ARAP1: variants seen among roughly 807,000 people sequenced by gnomAD.
ARAP1 encodes ArfGAP with RhoGAP domain, ankyrin repeat and PH domain 1, also known as arf-GAP with Rho-GAP domain, ANK repeat and PH domain-containing protein 1.
In ARAP1, 76 loss-of-function variants were observed where a neutral mutation model predicts 172.2. That is an observed-to-expected ratio of 0.44 (90% CI 0.37 to 0.53). ARAP1 has a LOEUF of 0.53. ARAP1 is among the 20% of genes least tolerant of loss of function. ARAP1 has a pLI of 0.00. For missense variants in ARAP1, 1,686 were observed against 1,977.5 expected, an observed-to-expected ratio of 0.85 and a Z score of 2.80; for synonymous variants, 804 against 803.3, an observed-to-expected ratio of 1.00 and a Z score of -0.01.
chr11:72,696,618 C>A lies in ARAP1; in HGVS notation c.3203G>T (p.Arg1068Leu), dbSNP rs142926718. The change falls in exon 23 of 35, where the codon CGA becomes CTA. Residue 1068 changes from arginine to leucine, a missense_variant. By Grantham distance (102) the Arg-to-Leu change is moderately radical (BLOSUM62 -2). Around this residue, in one of 5 missense-constraint regions of ARAP1, gnomAD observed 274 missense variants for 262.7 expected, o/e 1.04. Transcript: ENST00000393609. ...AGGGGGCAGCCGCACCAGCAGCTCTCGGTACCTGGAGACCTTCTCCTCCTC... is the reference window on the plus strand; with the variant it reads ...AGGGGGCAGCCGCACCAGCAGCTCTAGGTACCTGGAGACCTTCTCCTCCTC... The part of the protein sequence containing the change: ...EDEEEKVSRY[R>L]ELLVRLPPVN... The A allele has an allele frequency of 3.1e-6, 5 of 1,605,596 alleles. No homozygotes were observed. The East Asian group carries it at 9.0e-5, about 29-fold the overall frequency.
At chr11:72,712,153 C>T (rs749709256) in intron 7 of ARAP1, 43 bp downstream of exon 7, 10 of 1,513,134 alleles carry the variant, frequency 6.6e-6, no homozygotes, top group Admixed American at 6.6e-5. Context: ...TGCCCCCCAC[C>T]CCCCCATGCA....
At chr11:72,727,368 C>T (rs1194461092) in intron 2 of ARAP1, among the ~76,000 whole-genome samples, 196 bp from the exon 3 acceptor site, 1 of 152,200 alleles carries the variant, frequency 6.6e-6, no homozygotes, top group Non-Finnish European at 1.5e-5. Flanking sequence ...GCCTGAACCC[C>T]CTCACCCCTT....
intron 1 of ARAP1, among the ~76,000 whole-genome samples, chr11:72,743,991 C>A (rs990550935): frequency 6.6e-6 from 1 of 152,126 alleles, no homozygotes; most frequent in Non-Finnish European, 1.5e-5. Flanking sequence ...CACTCTCACG[C>A]TCCAACACCA....
Position 72,696,997 on chromosome 11 carries a change from C to T in ARAP1, c.3152G>A (p.Trp1051Ter). Residue 1051 changes from tryptophan to a stop codon, truncating the protein, a stop_gained, in exon 22 of 35, where the codon TGG becomes TAG. Transcript: ENST00000393609. LOFTEE classifies it high-confidence loss of function. Reference sequence around the variant, plus strand: ...GCAGGGCCCACCTGAGGCCTCCAGCCAGGTTAGGCGCTGGGCGCGAGTGAA... The same window carrying T: ...GCAGGGCCCACCTGAGGCCTCCAGCTAGGTTAGGCGCTGGGCGCGAGTGAA... ...GLFTRAQRLTWLEASEIEDEE... is the reference protein window; with the variant it reads ...GLFTRAQRLT 2 of 1,606,234 alleles carry T rather than the reference C, an allele frequency of 1.2e-6. No homozygotes were observed.
In ARAP1 at chr11:72,693,291, C is replaced by A; in HGVS notation, c.3954+34G>T. On this transcript the variant is annotated intron_variant, in intron 29 of 34. Transcript: ENST00000393609. This position sits in a 1 kb window ranked among gnomAD's most constrained non-coding sequence, Gnocchi z 4.6. ...TGAGCACATTCAGGTGTACAGGTGC[C>A]CACCCTGGGGCAGAACCCAGCGGGG... 6.2e-7 allele frequency: 1 copy of A among 1,607,072 alleles called. No individual in the cohort carries two copies. The highest frequency in any genetic ancestry group is 2.2e-5 in the East Asian group (1 of 44,760).
intron 1 of ARAP1, among the ~76,000 whole-genome samples, chr11:72,745,182 C>T (rs1030322445): frequency 3.4e-5 from 3 of 88,308 alleles, no homozygotes; most frequent in South Asian, 4.4e-4. Context: ...AAGTTTCTTT[C>T]TTTTTTTTTT....
intron 1 of ARAP1, among the ~76,000 whole-genome samples, chr11:72,737,601 T>C (rs1192756623): frequency 2.0e-5 from 3 of 151,726 alleles, no homozygotes; most frequent in African/African-American, 7.3e-5. Context: ...CAGCCCCTGC[T>C]AGATTTTCTC....
intron 3 of ARAP1, among the ~76,000 whole-genome samples, chr11:72,723,771 G>T (rs1051237441): frequency 6.6e-6 from 1 of 152,206 alleles, no homozygotes; most frequent in African/African-American, 2.4e-5. Context: ...CTTCCCAAGG[G>T]CCTATTAGGC....
At chr11:72,746,474 C>A (rs190514110) in intron 1 of ARAP1, among the ~76,000 whole-genome samples, 4 of 152,348 alleles carry the variant, frequency 2.6e-5, no homozygotes, top group Admixed American at 2.6e-4. Context: ...TTGGGGGTGA[C>A]CCAGCCCAAC....
Position 72,693,605 on chromosome 11 carries a change from C to A in ARAP1, c.3808+87G>T. 1 of 1,528,756 alleles carries A rather than the reference C, an allele frequency of 6.5e-7. No homozygotes were observed. Among genetic ancestry groups the A allele is most frequent in the South Asian group, 1.2e-5 (1 of 80,552 alleles). The allele number at this position is 1,528,756 out of a possible 1,614,324, so 94.7% of individuals were successfully genotyped here. A position where few individuals can be genotyped will look rare whatever the true frequency, so the allele number is the denominator to read the frequency against. On this transcript the variant is annotated intron_variant, in intron 28 of 34. Coordinates refer to ENST00000393609, the MANE Select transcript of ARAP1 (RefSeq NM_001040118.3). The surrounding 1 kb of genome is among the most constrained non-coding windows in gnomAD (Gnocchi z 4.6). ...ACCCACTTGGCGCCCTCTGTCTGAG[C>A]TGTTCCTACCTGGCACCACCAGGTC...
chr11:72,742,576 G>C (rs1858233775), intron 1 of ARAP1, among the ~76,000 whole-genome samples: 1 of 152,068 alleles, frequency 6.6e-6, no homozygotes, highest in Non-Finnish European at 1.5e-5. Flanking sequence ...GACTGAGAAG[G>C]GCCTTGAAGG....
chr11:72,739,866 T>G lies in ARAP1; in HGVS notation c.-127-7269A>C, dbSNP rs1295604917. On this transcript the variant is annotated intron_variant, in intron 1 of 34. Coordinates refer to ENST00000393609, the MANE Select transcript of ARAP1 (RefSeq NM_001040118.3). ...CTCGGTTACCCCAGACACCAATGAC[T>G]ACCACAGCCTACCTCCAGCCATGTC... 2.6e-5 allele frequency among the ~76,000 whole-genome samples: 4 copies of G among 152,248 alleles called. No individual in the cohort carries two copies. The East Asian group carries it at 5.8e-4, about 22-fold the overall frequency.
chr11:72,716,117 G>A (rs1857258753), intron 3 of ARAP1, among the ~76,000 whole-genome samples: 1 of 144,548 alleles, frequency 6.9e-6, no homozygotes, highest in Non-Finnish European at 1.5e-5. Flanking sequence ...AGCTTGCAGT[G>A]AGCCGAGATC....
At chr11:72,687,631 G>A in intron 32 of ARAP1, 57 bp downstream of exon 32, 2 of 1,613,398 alleles carry the variant, frequency 1.2e-6, no homozygotes, top group Non-Finnish European at 1.7e-6. Context: ...CACAATGAAG[G>A]GGGACGTGCC....
At position 72,727,000 on chromosome 11, in the gene ARAP1, G is replaced by T; in HGVS notation, c.129C>A (p.Asp43Glu). 1 of 1,606,638 alleles carries T rather than the reference G, an allele frequency of 6.2e-7. No individual in the cohort carries two copies. The change falls in exon 3 of 35, where the codon GAC becomes GAA. Residue 43 changes from aspartate to glutamate, a missense_variant. Asp to Glu is a conservative substitution (Grantham distance 45). Coordinates refer to ENST00000393609, the MANE Select transcript of ARAP1 (RefSeq NM_001040118.3). The surrounding 1 kb of genome is among the most constrained non-coding windows in gnomAD (Gnocchi z 6.5). ...VWATECQGLSDTRLMDMGMLL... is the reference protein window; with the variant it reads ...VWATECQGLSETRLMDMGMLL... ...GCATGCCCATGTCCATCAGGCGGGTGTCGCTGAGGCCTTGGCACTCAGTGG... is the reference window on the plus strand; with the variant it reads ...GCATGCCCATGTCCATCAGGCGGGTTTCGCTGAGGCCTTGGCACTCAGTGG...
intron 18 of ARAP1, 73 bp downstream of exon 18, chr11:72,698,932 C>T (rs1856341439): frequency 1.4e-6 from 2 of 1,466,906 alleles, no homozygotes; most frequent in Non-Finnish European, 1.9e-6. Flanking sequence ...AGCTGGGATA[C>T]ATGGGATTGG....
chr11:72,722,313 G>A (rs1358311353), intron 3 of ARAP1: 5 of 985,480 alleles, frequency 5.1e-6, no homozygotes, highest in Non-Finnish European at 6.0e-6. Context: ...TCCTGCAGCC[G>A]TGGCCAACAC....
chr11:72,733,972 C>A (rs57645446), intron 1 of ARAP1, among the ~76,000 whole-genome samples: 1 of 152,102 alleles, frequency 6.6e-6, no homozygotes, highest in Non-Finnish European at 1.5e-5. Context: ...ACTACAGGTG[C>A]GTATCACCAT....
intron 1 of ARAP1, among the ~76,000 whole-genome samples, chr11:72,735,940 C>T (rs1395618028): frequency 6.6e-6 from 1 of 152,166 alleles, no homozygotes; most frequent in Non-Finnish European, 1.5e-5. Flanking sequence ...ATACCATCAA[C>T]CAGTGAAAAC....
Sources: gnomAD v4.1 joint callset for allele counts (sites outside exome capture counted in the v4.1 genomes callset) on GRCh38, gnomAD v4.1.1 for gene constraint, gnomAD v4.1.1 regional missense constraint, Gnocchi (gnomAD v3.1) non-coding constraint, MANE v1.5 for transcripts, NCBI Gene and HGNC (gene_info 2026-07-23, HGNC 2026-07-21) for gene names.